The following PIK3R1 variants were observed in gnomAD, a reference collection of about 807,000 sequenced individuals.
PIK3R1 encodes phosphatidylinositol 3-kinase regulatory subunit alpha.
Under a neutral mutation model 98.0 loss-of-function variants are expected in PIK3R1, and 29 were observed. That is an observed-to-expected ratio of 0.30 (90% CI 0.22 to 0.40). PIK3R1 has a LOEUF of 0.40. Among genes scored for constraint, PIK3R1 ranks in the 10% least tolerant of loss-of-function variants. The pLI is 1.00. For synonymous variants in PIK3R1, 282 were observed against 311.8 expected, an observed-to-expected ratio of 0.90 and a Z score of 1.01; for missense variants, 596 against 872.7, an observed-to-expected ratio of 0.68 and a Z score of 3.99.
chr5:68,261,887 ATCCCT>A (rs1745768191), intron 2 of PIK3R1, among the ~76,000 whole-genome samples: 2 of 152,184 alleles, frequency 1.3e-5, no homozygotes, highest in Admixed American at 6.5e-5. Context: ...TTCAGACCCT[ATCCCT>A]TCCCTTTCTG....
chr5:68,292,682 A>G (rs2112247728), intron 8 of PIK3R1: 2 of 1,286,074 alleles, frequency 1.6e-6, no homozygotes, highest in South Asian at 1.6e-5. Flanking sequence ...CTTAAACACA[A>G]TAAGAAAACA....
Position 68,297,644 on chromosome 5 carries a change from G to A in PIK3R1, c.*43G>A, listed in dbSNP as rs896671080. ...CCTTCTCCTGAAGTTCAGCCACCCT[G>A]AGGCCTCTGGAAAGCAAAGGGCTCC... On this transcript the variant is annotated 3_prime_UTR_variant, in exon 16 of 16. Transcript: ENST00000521381. 6 of 1,552,132 alleles carry A rather than the reference G, an allele frequency of 3.9e-6. No individual in the cohort carries two copies. The African/African-American group carries it at 8.2e-5, about 21-fold the overall frequency.
chr5:68,296,756 A>G (rs879588500), intron 15 of PIK3R1, among the ~76,000 whole-genome samples: 2 of 152,214 alleles, frequency 1.3e-5, no homozygotes, highest in Non-Finnish European at 2.9e-5. Context: ...AGGTGAAAAA[A>G]AAAAGGATTC....
At chr5:68,257,457 G>A (rs6449960) in intron 2 of PIK3R1, among the ~76,000 whole-genome samples, 29,422 of 152,154 alleles carry the variant, frequency 0.19, 2,947 homozygotes, top group South Asian at 0.22. Flanking sequence ...CTGGCTGGCT[G>A]TGCAAAGGCA....
Position 68,297,578 on chromosome 5 carries a change from G to A in PIK3R1, c.2152G>A (p.Val718Ile), listed in dbSNP as rs1747797576. 6.2e-7 allele frequency: 1 copy of A among 1,614,030 alleles called. No individual in the cohort carries two copies. Among genetic ancestry groups the A allele is most frequent in the South Asian group, 1.1e-5 (1 of 91,064 alleles). ...DSLNVTLAYP[V>I]YAQQRR is the part of the protein sequence containing the mutation. ...CCTCAATGTCACACTAGCCTACCCA[G>A]TATATGCACAGCAGAGGCGATGAAG... The change falls in exon 16 of 16, where the codon GTA (valine) becomes ATA (isoleucine). Residue 718 changes from valine (V) to isoleucine (I), a missense_variant. Val to Ile is a conservative substitution (Grantham distance 29). This residue lies in a region of PIK3R1 where 207 missense variants were observed against 361.4 expected (regional missense o/e 0.57). Transcript: ENST00000521381.
chr5:68,237,636 AG>A (rs1744712495), intron 2 of PIK3R1, among the ~76,000 whole-genome samples: 2 of 152,098 alleles, frequency 1.3e-5, no homozygotes, highest in African/African-American at 2.4e-5. Flanking sequence ...TGAGTTAAAA[AG>A]GCCTCTGACT....
In PIK3R1 at chr5:68,296,319, G is replaced by A; in HGVS notation, c.1963G>A (p.Gly655Ser). Residue 655 changes from glycine to serine, a missense_variant, in exon 15 of 16, where the codon GGC becomes AGC. This residue lies in a region of PIK3R1 where 207 missense variants were observed against 361.4 expected (regional missense o/e 0.57). Coordinates refer to ENST00000521381, the MANE Select transcript of PIK3R1 (RefSeq NM_181523.3). ...TCTTGTCCGGGAGAGCAGTAAACAG[G>A]GCTGCTATGCCTGCTCTGTAGTGTA... ...TFLVRESSKQGCYACSVVVDG... is the reference protein window; with the variant it reads ...TFLVRESSKQSCYACSVVVDG... 1 of 1,614,026 alleles carries A rather than the reference G, an allele frequency of 6.2e-7. No individual in the cohort carries two copies. The highest frequency in any genetic ancestry group is 8.5e-7 in the Non-Finnish European group (1 of 1,179,942).
At chr5:68,232,289 C>T (rs868478071) in intron 2 of PIK3R1, among the ~76,000 whole-genome samples, 11 of 152,130 alleles carry the variant, frequency 7.2e-5, no homozygotes, top group African/African-American at 2.4e-4. Flanking sequence ...AACTTTGTTT[C>T]CCTAAAAATG....
intron 1 of PIK3R1, among the ~76,000 whole-genome samples, 189 bp downstream of exon 1, chr5:68,216,138 A>G (rs962672261): frequency 6.7e-6 from 1 of 150,290 alleles, no homozygotes; most frequent in African/African-American, 2.4e-5. Flanking sequence ...GGGCAGCACT[A>G]CCCCCGCGCG....
In PIK3R1 at chr5:68,299,551, G is replaced by C; in HGVS notation, c.*1950G>C. 4.3e-6 allele frequency: 1 copy of C among 233,174 alleles called. No individual in the cohort carries two copies. The highest frequency in any genetic ancestry group is 8.5e-6 in the Non-Finnish European group (1 of 118,026). The allele number at this position is 233,174 out of a possible 1,614,324, so 14.4% of individuals were successfully genotyped here. On this transcript the variant is annotated 3_prime_UTR_variant, in exon 16 of 16. Transcript: ENST00000521381. ...GTTCAGTAGGAACTGTACATGTGTT[G>C]GGAGGCATAAAGACTAATTAGCAAC...
intron 2 of PIK3R1, among the ~76,000 whole-genome samples, chr5:68,251,651 GC>G (rs1381404074): frequency 1.3e-5 from 2 of 151,956 alleles, no homozygotes; most frequent in Non-Finnish European, 2.9e-5. Context: ...AGCCCCAGCT[GC>G]AAAAAAGTAG....
intron 2 of PIK3R1, among the ~76,000 whole-genome samples, chr5:68,247,998 CTT>C (rs377116887): frequency 1.4e-5 from 2 of 145,364 alleles, no homozygotes; most frequent in Non-Finnish European, 1.5e-5. Flanking sequence ...GGAAAATGTT[CTT>C]TTTTTTTTTT....
intron 7 of PIK3R1, chr5:68,291,923 A>C (rs1747415966): frequency 5.6e-6 from 1 of 178,616 alleles, no homozygotes. Flanking sequence ...GATGGATTTG[A>C]CCAGGCATGA....
At chr5:68,277,547 C>T (rs533119387) in intron 4 of PIK3R1, among the ~76,000 whole-genome samples, 5 of 152,150 alleles carry the variant, frequency 3.3e-5, no homozygotes, top group Non-Finnish European at 7.3e-5. Context: ...GTCGGCCTAC[C>T]TAGTGGGGCA....
At position 68,279,597 on chromosome 5, in the gene PIK3R1, C is replaced by T. The variant is rs1243260796; in HGVS notation, c.503-5C>T. On this transcript the variant is annotated splice_polypyrimidine_tract_variant and splice_region_variant and intron_variant, in intron 4 of 15. Coordinates refer to ENST00000521381, the MANE Select transcript of PIK3R1 (RefSeq NM_181523.3). ...GTCTGAAATATTTCTTAAATTGTTT[C>T]CTAGATACACCCTCCGTGGACTTGG... 6 of 1,608,816 alleles carry T rather than the reference C, an allele frequency of 3.7e-6. No individual in the cohort carries two copies. The Admixed American group carries it at 5.0e-5, about 14-fold the overall frequency.
At chr5:68,288,638 G>A in intron 7 of PIK3R1, 1 of 1,597,814 alleles carries the variant, frequency 6.3e-7, no homozygotes, top group African/African-American at 1.3e-5. Flanking sequence ...CAGGCTGGGG[G>A]GAGGTGCGGG....
At chr5:68,254,820 G>C (rs1745447116) in intron 2 of PIK3R1, among the ~76,000 whole-genome samples, 1 of 132,530 alleles carries the variant, frequency 7.5e-6, no homozygotes, top group Admixed American at 7.7e-5. Flanking sequence ...CATCAGTACA[G>C]TCTTTTTCTT....
At chr5:68,279,131 A>G (rs1404833311) in intron 4 of PIK3R1, among the ~76,000 whole-genome samples, 1 of 151,954 alleles carries the variant, frequency 6.6e-6, no homozygotes, top group Admixed American at 6.5e-5. Context: ...TTCCCCTCCT[A>G]GAAGGATATC....
intron 2 of PIK3R1, among the ~76,000 whole-genome samples, chr5:68,251,940 T>G (rs1275751556): frequency 6.6e-6 from 1 of 152,188 alleles, no homozygotes; most frequent in Non-Finnish European, 1.5e-5. Context: ...ATGTTCTGGT[T>G]GGATCATGAG....
Sources: gnomAD v4.1 joint callset for allele counts (sites outside exome capture counted in the v4.1 genomes callset) on GRCh38, gnomAD v4.1.1 for gene constraint, gnomAD v4.1.1 regional missense constraint, MANE v1.5 for transcripts, NCBI Gene and HGNC (gene_info 2026-07-23, HGNC 2026-07-21) for gene names.